The following PSME4 variants were observed in gnomAD, a reference collection of about 807,000 sequenced individuals.
PSME4 encodes the protein proteasome activator subunit 4.
In PSME4, 89 loss-of-function variants were observed where a neutral mutation model predicts 253.9. The ratio of observed to expected loss-of-function variants is 0.35; its 90% CI spans 0.30 to 0.42. The LOEUF (loss-of-function observed/expected upper bound fraction) is 0.42. PSME4 is among the 10% of genes least tolerant of loss of function. The pLI is 1.00. For synonymous variants in PSME4, 851 were observed against 759.2 expected (o/e 1.12, Z -1.99); for missense variants, 2,014 against 2,195.2 (o/e 0.92, Z 1.65).
In PSME4 at chr2:53,864,400, TA is replaced by T. The variant is rs1250134462; in HGVS notation, c.*1177del. ...GAGAGATGCACACAAAAATGTTACA[TA>T]AAAGTTCAGACATTCTAATGATAAG... On this transcript the variant is annotated 3_prime_UTR_variant, in exon 47 of 47. Transcript: ENST00000404125. The T allele has an allele frequency of 3.3e-5, 5 of 149,916 alleles. No individual in the cohort carries two copies. In the Middle Eastern group the frequency reaches 0.014, roughly 419 times the overall value. The allele number at this position is 149,916 out of a possible 1,614,324, so 9.3% of individuals were successfully genotyped here. A position where few individuals can be genotyped will look rare whatever the true frequency, so the allele number is the denominator to read the frequency against.
intron 24 of PSME4, among the ~76,000 whole-genome samples, chr2:53,907,150 T>C (rs1045527482): frequency 6.6e-6 from 1 of 152,208 alleles, no homozygotes; most frequent in African/African-American, 2.4e-5. Context: ...AACAGAGTTG[T>C]GTTCTTATTC....
chr2:53,868,967 G>T (rs1434564150), intron 44 of PSME4, among the ~76,000 whole-genome samples: 1 of 152,044 alleles, frequency 6.6e-6, no homozygotes, highest in East Asian at 1.9e-4. Flanking sequence ...ACTAATGAAG[G>T]ACCGAATAAT....
chr2:53,897,686 G>C (rs963647592), intron 31 of PSME4, among the ~76,000 whole-genome samples, 184 bp downstream of exon 31: 1 of 152,080 alleles, frequency 6.6e-6, no homozygotes, highest in Non-Finnish European at 1.5e-5. Context: ...TTTAAACAGA[G>C]TGCCTAAACA....
intron 26 of PSME4, among the ~76,000 whole-genome samples, chr2:53,904,686 G>A (rs1351732644): frequency 6.6e-6 from 1 of 152,064 alleles, no homozygotes; most frequent in African/African-American, 2.4e-5. Flanking sequence ...AAATAGTAAT[G>A]GATAATAACT....
At position 53,866,122 on chromosome 2, in the gene PSME4, G is replaced by C. The variant is rs201977052; in HGVS notation, c.5499C>G (p.Thr1833=). 1 of 1,612,978 alleles carries C rather than the reference G, an allele frequency of 6.2e-7. No individual in the cohort carries two copies. The highest frequency in any genetic ancestry group is 1.3e-5 in the African/African-American group (1 of 74,878). ...AATAGCATGGTGACACAAGAAGATC[G>C]GTGAGAACAAGCAGTTGGTCATCAG... ...QFTDDQLLVL[T]DLLVSPCYYA The change falls in exon 46 of 47, where the codon ACC becomes ACG. Residue 1833 remains threonine (T), a synonymous_variant. Coordinates refer to ENST00000404125, the MANE Select transcript of PSME4 (RefSeq NM_014614.3).
At chr2:53,935,508 C>G (rs898375994) in intron 7 of PSME4, among the ~76,000 whole-genome samples, 1 of 152,156 alleles carries the variant, frequency 6.6e-6, no homozygotes, top group Non-Finnish European at 1.5e-5. Flanking sequence ...ACTGAAGACA[C>G]ACCTGGAACA....
At chr2:53,891,838 G>A (rs547731148) in intron 36 of PSME4, among the ~76,000 whole-genome samples, 2 of 147,942 alleles carry the variant, frequency 1.4e-5, no homozygotes, top group Admixed American at 1.4e-4. Context: ...TGGGCGATAG[G>A]GCGATAGAGT....
chr2:53,911,177 A>T (rs1573268848), intron 20 of PSME4, among the ~76,000 whole-genome samples: 4 of 152,208 alleles, frequency 2.6e-5, no homozygotes, highest in Non-Finnish European at 5.9e-5. Context: ...TTATTTAACT[A>T]TGTTTCTCAC....
At chr2:53,932,143 G>A (rs779957450) in intron 9 of PSME4, 43 bp from the exon 10 acceptor site, 4 of 1,567,518 alleles carry the variant, frequency 2.6e-6, no homozygotes, top group Non-Finnish European at 3.5e-6. Context: ...GTTCTACTTT[G>A]CCGCATAGAC....
intron 1 of PSME4, among the ~76,000 whole-genome samples, chr2:53,964,868 C>G (rs1219711760): frequency 6.6e-6 from 1 of 152,188 alleles, no homozygotes; most frequent in Non-Finnish European, 1.5e-5. Flanking sequence ...GATAATCAAT[C>G]CACGAAGGCT....
intron 43 of PSME4, among the ~76,000 whole-genome samples, chr2:53,872,909 T>A (rs981738776): frequency 6.8e-6 from 1 of 147,060 alleles, no homozygotes. Context: ...AAAAAAAAAA[T>A]CACAGCTGTA....
Position 53,898,010 on chromosome 2 carries a change from G to T in PSME4, c.3477-11C>A, listed in dbSNP as rs749669897. 1.9e-6 allele frequency: 3 copies of T among 1,605,828 alleles called. No homozygotes were observed. The highest frequency in any genetic ancestry group is 2.7e-5 in the African/African-American group (2 of 74,182). ...TCAAATTTCCAGGGCCTTAAAAGGA[G>T]GAAAAATAACAAAGCATATCACACA... On this transcript the variant is annotated splice_polypyrimidine_tract_variant and intron_variant, in intron 30 of 46. Coordinates refer to ENST00000404125, the MANE Select transcript of PSME4 (RefSeq NM_014614.3).
intron 1 of PSME4, among the ~76,000 whole-genome samples, chr2:53,951,197 C>T (rs900184962): frequency 1.3e-5 from 2 of 152,190 alleles, no homozygotes; most frequent in Non-Finnish European, 2.9e-5. Context: ...ATTCTCCTGC[C>T]TCAGCCTCCC....
intron 10 of PSME4, 77 bp downstream of exon 10, chr2:53,931,758 A>C: frequency 6.8e-7 from 1 of 1,471,408 alleles, no homozygotes; most frequent in Non-Finnish European, 9.2e-7. Context: ...CAGAAGCCAC[A>C]GAGGAGAAAA....
At chr2:53,906,723 A>T in intron 25 of PSME4, 30 bp from the exon 26 acceptor site, 1 of 1,594,026 alleles carries the variant, frequency 6.3e-7, no homozygotes, top group Non-Finnish European at 8.5e-7. Context: ...CATTTACTAA[A>T]ATTTGATTAT....
At chr2:53,948,017 GA>G (rs1337048637) in intron 3 of PSME4, among the ~76,000 whole-genome samples, 1 of 151,556 alleles carries the variant, frequency 6.6e-6, no homozygotes, top group Non-Finnish European at 1.5e-5. Context: ...CACCATCTCA[GA>G]AAAAAAAGAA....
At chr2:53,926,115 C>T in intron 12 of PSME4, 92 bp from the exon 13 acceptor site, 1 of 920,838 alleles carries the variant, frequency 1.1e-6, no homozygotes, top group Non-Finnish European at 1.7e-6. Context: ...CCAAATGTAT[C>T]CACACTAAAC....
chr2:53,894,860 C>T, intron 34 of PSME4, 147 bp downstream of exon 34: 2 of 653,462 alleles, frequency 3.1e-6, no homozygotes, highest in Non-Finnish European at 5.2e-6. Flanking sequence ...GAATGGATTA[C>T]ATAGTCACCA....
intron 20 of PSME4, 129 bp downstream of exon 20, chr2:53,919,022 C>A: frequency 1.1e-6 from 1 of 883,914 alleles, no homozygotes; most frequent in Non-Finnish European, 1.7e-6. Flanking sequence ...TATTTTTGAC[C>A]TTAACAGTGA....
Sources: gnomAD v4.1 joint callset for allele counts (sites outside exome capture counted in the v4.1 genomes callset) on GRCh38, gnomAD v4.1.1 for gene constraint, MANE v1.5 for transcripts, NCBI Gene and HGNC (gene_info 2026-07-23, HGNC 2026-07-21) for gene names.